Variants in RERE observed in about 807,000 individuals in gnomAD.
The protein encoded by RERE is arginine-glutamic acid dipeptide repeats protein.
Under a neutral mutation model 146.1 loss-of-function variants are expected in RERE, and 40 were observed. That is an observed-to-expected ratio of 0.27 (90% CI 0.21 to 0.36). The LOEUF (loss-of-function observed/expected upper bound fraction) is 0.36, where lower values mean the gene tolerates loss of function less well. Ranked by LOEUF, RERE falls within the 10% of genes least tolerant of loss-of-function variation. The pLI is 1.00. For missense variants in RERE, 1,933 were observed against 2,138.7 expected (o/e 0.90, Z 1.90); for synonymous variants, 1,003 against 866.0 (o/e 1.16, Z -2.78).
chr1:8,483,093 T>A (rs1276144187), intron 10 of RERE, among the ~76,000 whole-genome samples: 3 of 152,246 alleles, frequency 2.0e-5, no homozygotes, highest in African/African-American at 7.2e-5. Context: ...GTTCTGAAAT[T>A]TATTGGATTT....
At chr1:8,408,735 G>T (rs1269421539) in intron 12 of RERE, among the ~76,000 whole-genome samples, 1 of 152,202 alleles carries the variant, frequency 6.6e-6, no homozygotes, top group Non-Finnish European at 1.5e-5. Flanking sequence ...GCAGAAAAGA[G>T]ATTCATTTTG....
At chr1:8,800,258 CAA>C (rs34669744) in intron 1 of RERE, among the ~76,000 whole-genome samples, 4 of 143,846 alleles carry the variant, frequency 2.8e-5, no homozygotes, top group Non-Finnish European at 4.5e-5. Context: ...GACTCTACGT[CAA>C]AAAAAAAAAA....
intron 4 of RERE, among the ~76,000 whole-genome samples, chr1:8,565,305 C>T (rs1646140386): frequency 6.6e-6 from 1 of 152,118 alleles, no homozygotes; most frequent in Admixed American, 6.5e-5. Context: ...GTACTCCATA[C>T]ATATATACAA....
intron 11 of RERE, chr1:8,424,495 C>G (rs1425143294): frequency 6.6e-6 from 1 of 152,220 alleles, no homozygotes; most frequent in Non-Finnish European, 1.5e-5. Flanking sequence ...ATAATTCATA[C>G]AGTTCGAAGG....
intron 8 of RERE, 23 bp from the exon 9 acceptor site, chr1:8,497,552 T>A: frequency 6.2e-7 from 1 of 1,613,376 alleles, no homozygotes; most frequent in Non-Finnish European, 8.5e-7. Flanking sequence ...GATGAGTAAG[T>A]CACAATCAAG....
rs982029709 is a variant in RERE, at chr1:8,787,966, C to T, written c.-145+29194G>A. On this transcript the variant is annotated intron_variant, in intron 1 of 22. Coordinates refer to ENST00000400908, the MANE Select transcript of RERE (RefSeq NM_001042681.2). ...TACAAAAATTAGCCAGGCATAGTGG[C>T]GCACACCTGTAGTCCCAGCTACTTC... Among the ~76,000 whole-genome samples, 11 of 152,072 alleles carry T rather than the reference C, an allele frequency of 7.2e-5. No homozygotes were observed. The East Asian group carries it at 1.4e-3, about 19-fold the overall frequency.
chr1:8,804,439 T>C (rs1183999622), intron 1 of RERE, among the ~76,000 whole-genome samples: 1 of 152,222 alleles, frequency 6.6e-6, no homozygotes, highest in Non-Finnish European at 1.5e-5. Flanking sequence ...ACATTAGCCA[T>C]TCTACTGGTA....
At chr1:8,578,085 C>A (rs555997181) in intron 4 of RERE, among the ~76,000 whole-genome samples, 1 of 150,904 alleles carries the variant, frequency 6.6e-6, no homozygotes, top group African/African-American at 2.4e-5. Flanking sequence ...AGCAGGACTC[C>A]ATCCGGGAAA....
chr1:8,591,423 T>C (rs1451193600), intron 4 of RERE, among the ~76,000 whole-genome samples: 1 of 142,500 alleles, frequency 7.0e-6, no homozygotes, highest in Non-Finnish European at 1.5e-5. Flanking sequence ...GCACTCTTTT[T>C]GCTTTAAAAA....
intron 10 of RERE, among the ~76,000 whole-genome samples, chr1:8,490,749 T>A (rs1342457866): frequency 6.7e-6 from 1 of 149,722 alleles, no homozygotes; most frequent in African/African-American, 2.5e-5. Flanking sequence ...TTTAAAAAAA[T>A]AAAAAAAACA....
At chr1:8,599,701 G>A (rs1289450257) in intron 4 of RERE, among the ~76,000 whole-genome samples, 1 of 152,278 alleles carries the variant, frequency 6.6e-6, no homozygotes, top group Non-Finnish European at 1.5e-5. Context: ...AACATTGTAA[G>A]AAGGGCTCTT....
chr1:8,575,643 C>A (rs902303217), intron 4 of RERE, among the ~76,000 whole-genome samples: 2 of 150,064 alleles, frequency 1.3e-5, no homozygotes, highest in Non-Finnish European at 3.0e-5. Context: ...AATCCCCCAA[C>A]CTCGGCCTCC....
chr1:8,726,387 T>G (rs891069177), intron 1 of RERE, among the ~76,000 whole-genome samples: 1 of 152,082 alleles, frequency 6.6e-6, no homozygotes, highest in Non-Finnish European at 1.5e-5. Flanking sequence ...ACTCCTGACC[T>G]CGTGATCCAC....
rs538507261 is a variant in RERE, at chr1:8,794,115, AG to A, written c.-145+23044del. On this transcript the variant is annotated intron_variant, in intron 1 of 22. Transcript: ENST00000400908. Reference sequence around the variant, plus strand: ...TGAGAGAGAAAAAAATGGCCTCTGAAGGCTGGGCGCGGTGGCTCATGCCTGT... The same window carrying A: ...TGAGAGAGAAAAAAATGGCCTCTGAAGCTGGGCGCGGTGGCTCATGCCTGT... 1.6e-4 allele frequency among the ~76,000 whole-genome samples: 24 copies of A among 149,978 alleles called. No homozygotes were observed. In the South Asian group the frequency reaches 4.9e-3, roughly 30 times the overall value.
intron 2 of RERE, among the ~76,000 whole-genome samples, chr1:8,636,074 C>T (rs1365199001): frequency 6.6e-6 from 1 of 152,144 alleles, no homozygotes; most frequent in Non-Finnish European, 1.5e-5. Flanking sequence ...CCGCAACCTC[C>T]GCCTCCCAGG....
At chr1:8,558,179 GAAT>G in intron 4 of RERE, among the ~76,000 whole-genome samples, 1 of 152,202 alleles carries the variant, frequency 6.6e-6, no homozygotes. Flanking sequence ...AATTATTTGT[GAAT>G]AATGAAGAAT....
At chr1:8,562,887 T>A (rs1646095985) in intron 4 of RERE, among the ~76,000 whole-genome samples, 1 of 152,238 alleles carries the variant, frequency 6.6e-6, no homozygotes, top group South Asian at 2.1e-4. Flanking sequence ...AGAAAAAAGA[T>A]CCTTATGGTA....
At chr1:8,800,706 C>T (rs569187442) in intron 1 of RERE, among the ~76,000 whole-genome samples, 1 of 152,306 alleles carries the variant, frequency 6.6e-6, no homozygotes, top group Non-Finnish European at 1.5e-5. Flanking sequence ...TGGCTCAGAC[C>T]TGTAATCCCA....
At chr1:8,489,788 C>T (rs936648459) in intron 10 of RERE, among the ~76,000 whole-genome samples, 17 of 152,184 alleles carry the variant, frequency 1.1e-4, no homozygotes, top group African/African-American at 4.1e-4. Context: ...CAGTGGCTCA[C>T]GCCTGTAATC....
Sources: gnomAD v4.1 joint callset for allele counts (sites outside exome capture counted in the v4.1 genomes callset) on GRCh38, gnomAD v4.1.1 for gene constraint, MANE v1.5 for transcripts, NCBI Gene and HGNC (gene_info 2026-07-23, HGNC 2026-07-21) for gene names.